Variants in DNAH8 observed in about 807,000 individuals in gnomAD.
DNAH8 encodes dynein axonemal heavy chain 8, also known as axonemal beta dynein heavy chain 8.
Under a neutral mutation model 562.1 loss-of-function variants are expected in DNAH8, and 382 were observed. That is an observed-to-expected ratio of 0.68 (90% CI 0.63 to 0.74). The LOEUF (loss-of-function observed/expected upper bound fraction) is 0.74, where lower values mean the gene tolerates loss of function less well. Among genes scored for constraint, DNAH8 ranks in the 30% least tolerant of loss-of-function variants. DNAH8 has a pLI of 0.00. For synonymous variants in DNAH8, 1,881 were observed against 1,919.4 expected, an observed-to-expected ratio of 0.98 and a Z score of 0.52; for missense variants, 5,203 against 5,620.4, an observed-to-expected ratio of 0.93 and a Z score of 2.37.
chr6:38,903,043 G>GA lies in DNAH8; in HGVS notation c.9194+3139dup, dbSNP rs1007758046. ...TACACAAATATGGACCATTGCATTA[G>GA]AATTGCCTATGGTATTCATTCAGTG... On this transcript the variant is annotated intron_variant, in intron 62 of 92. Coordinates refer to ENST00000327475, the MANE Select transcript of DNAH8 (RefSeq NM_001206927.2). 1.5e-4 allele frequency among the ~76,000 whole-genome samples: 23 copies of GA among 152,272 alleles called. No homozygotes were observed. In the South Asian group the frequency reaches 2.3e-3, roughly 15 times the overall value.
rs541084140 is a variant in DNAH8 at position 38,814,896 on chromosome 6, G to A, written c.3334-572G>A. On this transcript the variant is annotated intron_variant, in intron 25 of 92. Coordinates refer to ENST00000327475, the MANE Select transcript of DNAH8 (RefSeq NM_001206927.2). ...TTACAACTACCCCAGCTGCTGATGG[G>A]CATCTGGAACTCCAAGCCACATGGG... 2.0e-5 allele frequency among the ~76,000 whole-genome samples: 3 copies of A among 152,248 alleles called. No homozygotes were observed. In the East Asian group the frequency reaches 5.8e-4, roughly 29 times the overall value.
intron 82 of DNAH8, 102 bp from the exon 83 acceptor site, chr6:38,971,490 A>G (rs2150689462): frequency 1.4e-5 from 9 of 621,890 alleles, no homozygotes; most frequent in Non-Finnish European, 1.9e-5. Context: ...TTTTTTTTAG[A>G]AACAATAGAA....
At chr6:38,765,671 G>C (rs1766917575) in intron 11 of DNAH8, among the ~76,000 whole-genome samples, 1 of 152,128 alleles carries the variant, frequency 6.6e-6, no homozygotes, top group Non-Finnish European at 1.5e-5. Context: ...TTCTATGCCA[G>C]TACTATGCTG....
intron 82 of DNAH8, among the ~76,000 whole-genome samples, chr6:38,962,050 T>C (rs4714202): frequency 0.87 from 132,553 of 151,834 alleles, 57,916 homozygotes; most frequent in East Asian, 0.93. Flanking sequence ...GTAAAACTCC[T>C]CTTCATTATA....
rs757197800 is a variant in DNAH8 at position 38,734,554 on chromosome 6, C to T, written c.691C>T (p.Leu231=). The T allele has an allele frequency of 6.2e-7, 1 of 1,613,816 alleles. No homozygotes were observed. Among genetic ancestry groups the T allele is most frequent in the East Asian group, 2.2e-5 (1 of 44,874 alleles). Reference sequence around the variant, plus strand: ...TATAGACAATGCAGCCCCGGATAAACTAAAAGGACTGTGCATATTTTTTGT... The same window carrying T: ...TATAGACAATGCAGCCCCGGATAAATTAAAAGGACTGTGCATATTTTTTGT... ...LYIDNAAPDK[L]KGLCIFFVRC... Residue 231 remains leucine (L), a synonymous_variant, in exon 5 of 93, where the codon CTA becomes TTA. Transcript: ENST00000327475.
In DNAH8 at chr6:38,833,843, A is replaced by T. The variant is rs188359827; in HGVS notation, c.4303-736A>T. Among the ~76,000 whole-genome samples the T allele has an allele frequency of 5.1e-3, 780 of 152,286 alleles. 7 individuals are homozygous for T. Among genetic ancestry groups the T allele is most frequent in the African/African-American group, 0.018 (757 of 41,566 alleles). ...CAGTTTACTTTTTAAACACTATTAT[A>T]TTGGGAATCTAGTCTATTATTTAGT... On this transcript the variant is annotated intron_variant, in intron 31 of 92. Transcript: ENST00000327475.
chr6:38,910,740 AC>A (rs1780825905), intron 65 of DNAH8, among the ~76,000 whole-genome samples: 1 of 152,186 alleles, frequency 6.6e-6, no homozygotes. Context: ...TTTTTACAAC[AC>A]TTTAATGATA....
chr6:38,910,821 AAATT>A (rs1359639903), intron 65 of DNAH8, among the ~76,000 whole-genome samples: 2 of 152,248 alleles, frequency 1.3e-5, no homozygotes, highest in African/African-American at 2.4e-5. Flanking sequence ...ACAAAAGTTT[AAATT>A]AATATAAAAG....
chr6:38,979,456 G>A (rs140947514), intron 85 of DNAH8, among the ~76,000 whole-genome samples: 3 of 152,158 alleles, frequency 2.0e-5, no homozygotes, highest in Non-Finnish European at 4.4e-5. Context: ...TTCCAAATGA[G>A]TTCTTAGGTT....
chr6:38,757,883 C>T (rs968787240), intron 10 of DNAH8, among the ~76,000 whole-genome samples: 9 of 152,102 alleles, frequency 5.9e-5, no homozygotes, highest in African/African-American at 1.9e-4. Context: ...TGGTCTATAT[C>T]TCTGTTTTGG....
chr6:38,806,980 T>C (rs1049708717), intron 23 of DNAH8, among the ~76,000 whole-genome samples: 1 of 152,140 alleles, frequency 6.6e-6, no homozygotes, highest in Non-Finnish European at 1.5e-5. Context: ...AGGAACAGTA[T>C]GGCCAGAGCC....
At chr6:38,980,264 A>G (rs1561938414) in intron 85 of DNAH8, among the ~76,000 whole-genome samples, 1 of 152,212 alleles carries the variant, frequency 6.6e-6, no homozygotes, top group African/African-American at 2.4e-5. Flanking sequence ...TTCACTGTCA[A>G]GACTCAAAAT....
intron 15 of DNAH8, among the ~76,000 whole-genome samples, chr6:38,780,621 A>G (rs978478120): frequency 6.6e-6 from 1 of 152,186 alleles, no homozygotes; most frequent in Admixed American, 6.5e-5. Context: ...GTTCTCACTT[A>G]TAAGTGGGAG....
In DNAH8 at chr6:38,770,400, A is replaced by G. The variant is rs567349049; in HGVS notation, c.1618-13A>G. On this transcript the variant is annotated splice_polypyrimidine_tract_variant and intron_variant, in intron 11 of 92. Coordinates refer to ENST00000327475, the MANE Select transcript of DNAH8 (RefSeq NM_001206927.2). ...TCACTTTCTTTTCCCTATTTCTTTT[A>G]CTTTTCTCATAGGACTGCATTTTTC... is the stretch of plus-strand genomic sequence containing the variant. 31 of 1,524,378 alleles carry G rather than the reference A, an allele frequency of 2.0e-5. No homozygotes were observed. Among genetic ancestry groups the G allele is most frequent in the Non-Finnish European group, 2.3e-5 (26 of 1,130,480 alleles). 94.4% of individuals were successfully genotyped at this position (1,524,378 alleles called of 1,614,324 possible).
At chr6:38,929,458 C>G in intron 74 of DNAH8, 53 bp from the exon 75 acceptor site, 1 of 1,462,520 alleles carries the variant, frequency 6.8e-7, no homozygotes, top group Non-Finnish European at 9.1e-7. Context: ...TTTCCCTTAG[C>G]AATGGGCACA....
At chr6:38,754,093 A>AT (rs1480957708) in intron 9 of DNAH8, among the ~76,000 whole-genome samples, 1 of 152,030 alleles carries the variant, frequency 6.6e-6, no homozygotes, top group Non-Finnish European at 1.5e-5. Context: ...TGTATGTTTC[A>AT]TTTTTTTAAT....
At chr6:39,008,339 G>T (rs1441105682) in intron 88 of DNAH8, among the ~76,000 whole-genome samples, 1 of 151,948 alleles carries the variant, frequency 6.6e-6, no homozygotes, top group Admixed American at 6.6e-5. Flanking sequence ...GTGGAAAAAT[G>T]AGAAAACCAA....
chr6:38,966,621 C>T (rs80315515), intron 82 of DNAH8, among the ~76,000 whole-genome samples: 19,814 of 152,172 alleles, frequency 0.13, 1,385 homozygotes, highest in Admixed American at 0.21. Flanking sequence ...CATATAAAAA[C>T]ATTATACACT....
Position 39,008,897 on chromosome 6 carries a change from C to A in DNAH8, c.13298C>A (p.Thr4433Asn). The A allele has an allele frequency of 1.2e-6, 2 of 1,607,424 alleles. No homozygotes were observed. The highest frequency in any genetic ancestry group is 8.5e-7 in the Non-Finnish European group (1 of 1,174,080). ...GAGAGTGGAGGTGGTGTGGGAGAGACCCGGGAGGCTATTGTTTATAGATTA... is the reference window on the plus strand; with the variant it reads ...GAGAGTGGAGGTGGTGTGGGAGAGAACCGGGAGGCTATTGTTTATAGATTA... ...PKESGGGVGETREAIVYRLSE... is the reference protein window; with the variant it reads ...PKESGGGVGENREAIVYRLSE... The change falls in exon 89 of 93, where the codon ACC (threonine) becomes AAC (asparagine). Residue 4433 changes from threonine to asparagine, a missense_variant. This residue lies in a region of DNAH8 where 1,399 missense variants were observed against 1,518.4 expected (regional missense o/e 0.92). Coordinates refer to ENST00000327475, the MANE Select transcript of DNAH8 (RefSeq NM_001206927.2).
Sources: gnomAD v4.1 joint callset for allele counts (sites outside exome capture counted in the v4.1 genomes callset) on GRCh38, gnomAD v4.1.1 for gene constraint, gnomAD v4.1.1 regional missense constraint, MANE v1.5 for transcripts, NCBI Gene and HGNC (gene_info 2026-07-23, HGNC 2026-07-21) for gene names.